FGF23: variants seen among roughly 807,000 people sequenced by gnomAD.
The protein encoded by FGF23 is fibroblast growth factor 23.
In FGF23, 8 loss-of-function variants were observed where a neutral mutation model predicts 9.0. The ratio of observed to expected loss-of-function variants is 0.89; its 90% CI spans 0.52 to 1.60. The LOEUF is 1.60. Among genes scored for constraint, FGF23 ranks in the 40% most tolerant of loss-of-function variants. The probability of loss-of-function intolerance (pLI) is 0.00; values close to 1 mark genes in which losing one functional copy is unlikely to be tolerated. For missense variants in FGF23, 311 were observed against 344.3 expected (o/e 0.90, Z 0.77); for synonymous variants, 118 against 146.2 (o/e 0.81, Z 1.39).
chr12:4,370,534 G>A lies in FGF23; in HGVS notation c.565C>T (p.Pro189Ser). ...GCCCGGGGCTTCAGCACGTTCAGGG[G>A]GTCCCGCTCCGAGTCGTCCTCGGCG... is the stretch of plus-strand genomic sequence containing the variant. Reference protein sequence around the residue: ...RSAEDDSERDPLNVLKPRARM... With the variant: ...RSAEDDSERDSLNVLKPRARM... Residue 189 changes from proline (P) to serine (S), a missense_variant, in exon 3 of 3, where the codon CCC becomes TCC. This residue lies in a region of FGF23 where 206 missense variants were observed against 219.2 expected (regional missense o/e 0.94). Transcript: ENST00000237837. The A allele has an allele frequency of 6.2e-7, 1 of 1,612,814 alleles. No homozygotes were observed. The highest frequency in any genetic ancestry group is 8.5e-7 in the Non-Finnish European group (1 of 1,179,134).
chr12:4,370,300 G>T lies in FGF23; in HGVS notation c.*43C>A. ...GGACCTGGTCCTTGGGAAGAGCTGC[G>T]TTTGCTGAGGGATGGGTTAAAGAGG... On this transcript the variant is annotated 3_prime_UTR_variant, in exon 3 of 3. Transcript: ENST00000237837. 6.3e-7 allele frequency: 1 copy of T among 1,577,950 alleles called. No individual in the cohort carries two copies. Among genetic ancestry groups the T allele is most frequent in the East Asian group, 2.2e-5 (1 of 44,630 alleles).
At position 4,372,643 on chromosome 12, in the gene FGF23, A is replaced by G. The variant is rs1159665296; in HGVS notation, c.266T>C (p.Met89Thr). The G allele has an allele frequency of 6.2e-7, 1 of 1,613,818 alleles. No individual in the cohort carries two copies. Among genetic ancestry groups the G allele is most frequent in the East Asian group, 2.2e-5 (1 of 44,894 alleles). ...ATCCATGCAGAGGTATCTTCTGCTC[A>G]TCACACCTGTAATCACCACAAAGCC... is the stretch of plus-strand genomic sequence containing the variant. Reference protein sequence around the residue: ...DAGFVVITGVMSRRYLCMDFR... With the variant: ...DAGFVVITGVTSRRYLCMDFR... The change falls in exon 2 of 3, where the codon ATG becomes ACG. Residue 89 changes from methionine (M) to threonine (T), a missense_variant. Transcript: ENST00000237837.
In FGF23 at chr12:4,372,729, A is replaced by T. The variant is rs1282409572; in HGVS notation, c.212-32T>A. 6 of 1,401,210 alleles carry T rather than the reference A, an allele frequency of 4.3e-6. No homozygotes were observed. In the Admixed American group the frequency reaches 6.7e-5, roughly 16 times the overall value. The allele number at this position is 1,401,210 out of a possible 1,614,324, so 86.8% of individuals were successfully genotyped here. On this transcript the variant is annotated intron_variant, in intron 1 of 2. Coordinates refer to ENST00000237837, the MANE Select transcript of FGF23 (RefSeq NM_020638.3). ...AGAAAAACAGGCAGGGCAAAGACTC[A>T]TTGCCATCCAATTCCCACCTTCAAG...
chr12:4,370,415 C>T lies in FGF23; in HGVS notation c.684G>A (p.Arg228=). The T allele has an allele frequency of 6.2e-7, 1 of 1,613,816 alleles. No homozygotes were observed. The highest frequency in any genetic ancestry group is 1.1e-5 in the South Asian group (1 of 91,082). The change falls in exon 3 of 3, where the codon AGG becomes AGA. Residue 228 remains arginine, a synonymous_variant. Transcript: ENST00000237837. ...CAGCGTGCGTGTTCACTCGACCGCCCCTGACCACCCCTAATGGGTCACTGG... is the reference window on the plus strand; with the variant it reads ...CAGCGTGCGTGTTCACTCGACCGCCTCTGACCACCCCTAATGGGTCACTGG... ...PMASDPLGVV[R]GGRVNTHAGG... is the part of the protein sequence containing the mutation.
At chr12:4,377,314 C>T (rs1385218419) in intron 1 of FGF23, among the ~76,000 whole-genome samples, 5 of 151,604 alleles carry the variant, frequency 3.3e-5, no homozygotes, top group South Asian at 4.2e-4. Flanking sequence ...TTCCAGGATT[C>T]GAGACAAGTT....
At chr12:4,370,924 C>G (rs1865058237) in intron 2 of FGF23, 141 bp from the exon 3 acceptor site, 2 of 759,662 alleles carry the variant, frequency 2.6e-6, no homozygotes, top group South Asian at 2.8e-5. Context: ...CCCCTTTGTT[C>G]CCTGCTGGGG....
chr12:4,379,326 GACA>G (rs775851070), intron 1 of FGF23, 43 bp downstream of exon 1: 4 of 1,557,114 alleles, frequency 2.6e-6, no homozygotes, highest in Non-Finnish European at 3.5e-6. Context: ...CCTGTAGATG[GACA>G]ACAAGGGTGC....
chr12:4,373,510 T>A (rs1253378193), intron 1 of FGF23, among the ~76,000 whole-genome samples: 1 of 152,168 alleles, frequency 6.6e-6, no homozygotes, highest in Non-Finnish European at 1.5e-5. Context: ...TCTTGGCTCT[T>A]CTTGGGTTGG....
chr12:4,379,357 T>A lies in FGF23; in HGVS notation c.211+15A>T, dbSNP rs758239126. The A allele has an allele frequency of 8.1e-6, 13 of 1,606,968 alleles. No homozygotes were observed. The East Asian group carries it at 2.9e-4, about 36-fold the overall frequency. On this transcript the variant is annotated intron_variant, in intron 1 of 2. Coordinates refer to ENST00000237837, the MANE Select transcript of FGF23 (RefSeq NM_020638.3). ...AAGGGTGCTCCCCTTCTTCCCAGCC[T>A]GAAGCCCTACTCACTGTAGATGGTC... is the stretch of plus-strand genomic sequence containing the variant.
In FGF23 at chr12:4,369,254, C is replaced by G. The variant is rs1264150299; in HGVS notation, c.*1089G>C. On this transcript the variant is annotated 3_prime_UTR_variant, in exon 3 of 3. Coordinates refer to ENST00000237837, the MANE Select transcript of FGF23 (RefSeq NM_020638.3). ...TAACATGTCCCCTGATTTCTTTCCC[C>G]CTGAGTCCTTGATGCCACTTCATTT... is the stretch of plus-strand genomic sequence containing the variant. 2 of 231,300 alleles carry G rather than the reference C, an allele frequency of 8.6e-6. No individual in the cohort carries two copies. The highest frequency in any genetic ancestry group is 4.4e-5 in the African/African-American group (2 of 45,212). 14.3% of individuals were successfully genotyped at this position (231,300 alleles called of 1,614,324 possible). A position where few individuals can be genotyped will look rare whatever the true frequency, so the allele number is the denominator to read the frequency against.
At chr12:4,371,408 G>C (rs1485987061) in intron 2 of FGF23, among the ~76,000 whole-genome samples, 1 of 152,190 alleles carries the variant, frequency 6.6e-6, no homozygotes, top group African/African-American at 2.4e-5. Context: ...TTCAATAGTG[G>C]TTCAACAGAT....
Position 4,370,379 on chromosome 12 carries a change from G to A in FGF23, c.720C>T (p.Gly240=), listed in dbSNP as rs201132379. 51 of 1,613,642 alleles carry A rather than the reference G, an allele frequency of 3.2e-5. 1 individual carries two copies. Among genetic ancestry groups the A allele is most frequent in the Middle Eastern group, 3.3e-4 (2 of 6,062 alleles). The change falls in exon 3 of 3, where the codon GGC becomes GGT. Residue 240 remains glycine, a synonymous_variant. Coordinates refer to ENST00000237837, the MANE Select transcript of FGF23 (RefSeq NM_020638.3). ...GRVNTHAGGT[G]PEGCRPFAKF... ...TGGCGAAGGGGCGGCAGCCTTCCGG[G>A]CCCGTTCCCCCAGCGTGCGTGTTCA...
intron 1 of FGF23, among the ~76,000 whole-genome samples, chr12:4,375,893 T>C (rs563146154): frequency 3.3e-5 from 5 of 152,214 alleles, no homozygotes; most frequent in Non-Finnish European, 7.3e-5. Context: ...CTTATAGAAG[T>C]AGAAAATTAT....
At chr12:4,375,239 G>A (rs1417814513) in intron 1 of FGF23, among the ~76,000 whole-genome samples, 1 of 152,182 alleles carries the variant, frequency 6.6e-6, no homozygotes, top group Non-Finnish European at 1.5e-5. Context: ...GTTCTGACCT[G>A]CTGTTTATGC....
chr12:4,370,071 A>G lies in FGF23; in HGVS notation c.*272T>C, dbSNP rs1865044200. On this transcript the variant is annotated 3_prime_UTR_variant, in exon 3 of 3. Transcript: ENST00000237837. ...ATGTTGGGAGAGACCCCTTCTCTCT[A>G]CCTTCATGAAGGGGAAATTTCTAGT... The G allele has an allele frequency of 4.9e-6, 2 of 409,104 alleles. No individual in the cohort carries two copies. The highest frequency in any genetic ancestry group is 4.2e-5 in the Admixed American group (1 of 23,658). The allele number at this position is 409,104 out of a possible 1,614,324, so 25.3% of individuals were successfully genotyped here.
chr12:4,371,417 A>AT (rs1389112715), intron 2 of FGF23, among the ~76,000 whole-genome samples: 1 of 152,244 alleles, frequency 6.6e-6, no homozygotes, highest in East Asian at 1.9e-4. Context: ...GGTTCAACAG[A>AT]TTTTTTGTTT....
rs1865036509 is a variant in FGF23, at chr12:4,369,429, T to C, written c.*914A>G. 1 of 230,238 alleles carries C rather than the reference T, an allele frequency of 4.3e-6. No homozygotes were observed. Among genetic ancestry groups the C allele is most frequent in the South Asian group, 1.8e-4 (1 of 5,516 alleles). The allele number at this position is 230,238 out of a possible 1,614,324, so 14.3% of individuals were successfully genotyped here. ...AGTAGAGCCTTAATTAAATGCCTCT[T>C]AGGAGAGTTGGAATTTATTTCCATT... On this transcript the variant is annotated 3_prime_UTR_variant, in exon 3 of 3. Coordinates refer to ENST00000237837, the MANE Select transcript of FGF23 (RefSeq NM_020638.3).
In FGF23 at chr12:4,379,540, T is replaced by G; in HGVS notation, c.43A>C (p.Ser15Arg). 6.2e-7 allele frequency: 1 copy of G among 1,611,888 alleles called. No homozygotes were observed. The change falls in exon 1 of 3, where the codon AGC becomes CGC. Residue 15 changes from serine to arginine, a missense_variant. Transcript: ENST00000237837. ...RLRLWVCALC[S>R]VCSMSVLRAY... ...CTGAGGACGCTCATGCTGCAGACGCTGCACAAGGCACAGACCCAGAGCCTG... is the reference window on the plus strand; with the variant it reads ...CTGAGGACGCTCATGCTGCAGACGCGGCACAAGGCACAGACCCAGAGCCTG...
intron 1 of FGF23, among the ~76,000 whole-genome samples, chr12:4,375,250 C>T (rs1425391633): frequency 2.0e-5 from 3 of 152,124 alleles, no homozygotes; most frequent in Non-Finnish European, 2.9e-5. Context: ...CTGTTTATGC[C>T]GGGCCCATGC....
Sources: gnomAD v4.1 joint callset for allele counts (sites outside exome capture counted in the v4.1 genomes callset) on GRCh38, gnomAD v4.1.1 for gene constraint, gnomAD v4.1.1 regional missense constraint, MANE v1.5 for transcripts, NCBI Gene and HGNC (gene_info 2026-07-23, HGNC 2026-07-21) for gene names.